The following LINGO2 variants were observed in gnomAD, a reference collection of about 807,000 sequenced individuals.
LINGO2 encodes leucine-rich repeat and immunoglobulin-like domain-containing nogo receptor-interacting protein 2.
In LINGO2, 14 loss-of-function variants were observed where a neutral mutation model predicts 30.6. The observed-to-expected ratio is 0.46, with a 90% CI of 0.30 to 0.72. The LOEUF (loss-of-function observed/expected upper bound fraction) is 0.72. Among genes scored for constraint, LINGO2 ranks in the 30% least tolerant of loss-of-function variants. The pLI, the probability that LINGO2 is intolerant of heterozygous loss-of-function variation, is 0.07. For synonymous variants in LINGO2, 317 were observed against 288.5 expected, an observed-to-expected ratio of 1.10 and a Z score of -1.00; for missense variants, 729 against 751.7, an observed-to-expected ratio of 0.97 and a Z score of 0.35.
chr9:29,084,908 T>C, the LINGO2 span, among the ~76,000 whole-genome samples: 3 of 151,954 alleles, frequency 2.0e-5, no homozygotes, highest in Non-Finnish European at 2.9e-5. Context: ...TTCAGTTAAA[T>C]GAATAAACAA....
At chr9:28,885,356 T>TACAC in the LINGO2 span, among the ~76,000 whole-genome samples, 13 of 132,940 alleles carry the variant, frequency 9.8e-5, no homozygotes, top group Non-Finnish European at 1.6e-4. Context: ...GAGATATATA[T>TACAC]ATATACACAC....
chr9:29,173,180 A>T, the LINGO2 span, among the ~76,000 whole-genome samples: 7 of 151,984 alleles, frequency 4.6e-5, no homozygotes, highest in Non-Finnish European at 8.8e-5. Context: ...GGGTGGAGAA[A>T]ATTGAACCAA....
At chr9:27,963,844 G>A (rs1345741418) in intron 5 of LINGO2, among the ~76,000 whole-genome samples, 1 of 151,708 alleles carries the variant, frequency 6.6e-6, no homozygotes, top group Non-Finnish European at 1.5e-5. Context: ...CAGAAATCCT[G>A]GACTCCATGA....
intron 2 of LINGO2, among the ~76,000 whole-genome samples, chr9:28,373,861 C>CTT (rs932176558): frequency 6.7e-6 from 1 of 148,208 alleles, no homozygotes; most frequent in African/African-American, 2.5e-5. Context: ...GATCAGGCCA[C>CTT]TGCACTCCAG....
the LINGO2 span, among the ~76,000 whole-genome samples, chr9:28,947,902 T>A: frequency 1.3e-5 from 2 of 151,956 alleles, no homozygotes; most frequent in Non-Finnish European, 2.9e-5. Flanking sequence ...TGAAACCATC[T>A]CCAGTGGATT....
chr9:28,915,923 T>C, the LINGO2 span, among the ~76,000 whole-genome samples: 290 of 152,292 alleles, frequency 1.9e-3, 1 homozygote, highest in African/African-American at 6.6e-3. Flanking sequence ...AAATCTCTGA[T>C]AAACGGTCGC....
intron 4 of LINGO2, among the ~76,000 whole-genome samples, chr9:28,051,580 C>T (rs1824676342): frequency 6.6e-6 from 1 of 152,040 alleles, no homozygotes; most frequent in African/African-American, 2.4e-5. Context: ...TGATTTCATC[C>T]TAATGATCTC....
At chr9:27,980,721 A>G (rs1820813870) in intron 5 of LINGO2, among the ~76,000 whole-genome samples, 1 of 151,846 alleles carries the variant, frequency 6.6e-6, no homozygotes, top group South Asian at 2.1e-4. Flanking sequence ...GTTTGATTTC[A>G]TAAGTGAGAG....
the LINGO2 span, among the ~76,000 whole-genome samples, chr9:28,941,307 T>C: frequency 6.6e-6 from 1 of 152,168 alleles, no homozygotes; most frequent in Admixed American, 6.6e-5. Flanking sequence ...TATTTAATTA[T>C]GCTGCAATAA....
At chr9:28,454,676 A>T in intron 2 of LINGO2, among the ~76,000 whole-genome samples, 1 of 152,022 alleles carries the variant, frequency 6.6e-6, no homozygotes, top group East Asian at 1.9e-4. Context: ...ATGAAATAAG[A>T]TGAAAGTGTG....
chr9:28,627,133 G>A (rs747115996), intron 1 of LINGO2, among the ~76,000 whole-genome samples: 2 of 151,854 alleles, frequency 1.3e-5, no homozygotes, highest in African/African-American at 2.4e-5. Flanking sequence ...CAAGGCTGAC[G>A]TAGGTGTAGC....
intron 4 of LINGO2, among the ~76,000 whole-genome samples, chr9:28,132,003 G>A (rs968035463): frequency 7.2e-5 from 11 of 152,278 alleles, no homozygotes; most frequent in Middle Eastern, 3.4e-3. Flanking sequence ...CCACTCTCCA[G>A]CTATGCTCTT....
intron 3 of LINGO2, among the ~76,000 whole-genome samples, chr9:28,339,527 T>C (rs1223892977): frequency 6.6e-6 from 1 of 152,132 alleles, no homozygotes; most frequent in Non-Finnish European, 1.5e-5. Flanking sequence ...AGTCCAGTAG[T>C]ATGGTGGCTG....
chr9:28,955,597 A>G, the LINGO2 span, among the ~76,000 whole-genome samples: 1 of 152,174 alleles, frequency 6.6e-6, no homozygotes, highest in Non-Finnish European at 1.5e-5. Context: ...CCAGGTTGAC[A>G]TAATTACCAG....
At chr9:28,425,846 G>C (rs1033017754) in intron 2 of LINGO2, among the ~76,000 whole-genome samples, 1 of 152,002 alleles carries the variant, frequency 6.6e-6, no homozygotes, top group Non-Finnish European at 1.5e-5. Flanking sequence ...CTCTCAAAGA[G>C]AAATTTCTTT....
chr9:28,547,255 C>A (rs766235663), intron 1 of LINGO2, among the ~76,000 whole-genome samples: 8 of 152,062 alleles, frequency 5.3e-5, no homozygotes, highest in Non-Finnish European at 1.0e-4. Flanking sequence ...TTTTCTATAA[C>A]CGTCCTTTCA....
chr9:28,855,613 A>G, the LINGO2 span, among the ~76,000 whole-genome samples: 1 of 151,918 alleles, frequency 6.6e-6, no homozygotes, highest in African/African-American at 2.4e-5. Context: ...TCAATGATTG[A>G]TACACATGCC....
chr9:28,537,143 C>T (rs910771241), intron 1 of LINGO2, among the ~76,000 whole-genome samples: 2 of 151,996 alleles, frequency 1.3e-5, no homozygotes, highest in East Asian at 1.9e-4. Context: ...CCAGAAGGTA[C>T]GAAAGAAGCA....
intron 1 of LINGO2, among the ~76,000 whole-genome samples, chr9:28,570,145 T>C (rs1475347433): frequency 2.6e-5 from 4 of 152,044 alleles, no homozygotes; most frequent in Admixed American, 2.6e-4. Flanking sequence ...ATTTTGATAG[T>C]TCCTGTGGGC....
Sources: allele counts gnomAD v4.1 joint callset (sites outside exome capture counted in the v4.1 genomes callset), GRCh38; gene constraint gnomAD v4.1.1; transcripts MANE v1.5; gene names NCBI Gene and HGNC (gene_info 2026-07-23, HGNC 2026-07-21).